Variants in FAF1 observed in about 807,000 individuals in gnomAD.
FAF1 encodes the protein FAS-associated factor 1.
Under a neutral mutation model 92.5 loss-of-function variants are expected in FAF1, and 25 were observed. The observed-to-expected ratio is 0.27, with a 90% CI of 0.20 to 0.38. The LOEUF (loss-of-function observed/expected upper bound fraction) is 0.38. FAF1 is among the 10% of genes least tolerant of loss of function. The probability of loss-of-function intolerance (pLI) is 1.00; values close to 1 mark genes in which losing one functional copy is unlikely to be tolerated. For missense variants in FAF1, 636 were observed against 793.3 expected (o/e 0.80, Z 2.38); for synonymous variants, 234 against 273.2 (o/e 0.86, Z 1.42).
chr1:50,568,892 C>A (rs1452843134), intron 12 of FAF1, among the ~76,000 whole-genome samples: 1 of 152,110 alleles, frequency 6.6e-6, no homozygotes, highest in Non-Finnish European at 1.5e-5. Flanking sequence ...GGAATAAGGG[C>A]AGGACTCCTG....
intron 1 of FAF1, among the ~76,000 whole-genome samples, chr1:50,859,086 G>C (rs1255364421): frequency 6.6e-6 from 1 of 151,648 alleles, no homozygotes; most frequent in East Asian, 1.9e-4. Flanking sequence ...CCTTTACAAG[G>C]AAAACCCTCA....
At chr1:50,874,283 C>G (rs1644551838) in intron 1 of FAF1, among the ~76,000 whole-genome samples, 1 of 152,112 alleles carries the variant, frequency 6.6e-6, no homozygotes, top group Non-Finnish European at 1.5e-5. Context: ...AAACTAATTT[C>G]TTAAACATAA....
chr1:50,682,508 C>T (rs1369225166), intron 7 of FAF1, among the ~76,000 whole-genome samples: 4 of 152,008 alleles, frequency 2.6e-5, no homozygotes, highest in Non-Finnish European at 4.4e-5. Flanking sequence ...ATATGCATGT[C>T]GTCTTATGTT....
At chr1:50,919,580 C>T (rs917212298) in intron 1 of FAF1, among the ~76,000 whole-genome samples, 3 of 151,744 alleles carry the variant, frequency 2.0e-5, no homozygotes, top group African/African-American at 4.8e-5. Flanking sequence ...CTCCGCCTCC[C>T]GGGTTCAAGC....
chr1:50,770,336 T>C (rs1383898628), intron 4 of FAF1, among the ~76,000 whole-genome samples: 1 of 152,202 alleles, frequency 6.6e-6, no homozygotes, highest in Non-Finnish European at 1.5e-5. Flanking sequence ...GCAGATGATA[T>C]GATAGTATAC....
intron 7 of FAF1, among the ~76,000 whole-genome samples, chr1:50,663,917 G>A (rs974001987): frequency 1.1e-4 from 16 of 151,336 alleles, no homozygotes; most frequent in Non-Finnish European, 2.2e-4. Flanking sequence ...AAATTAATGA[G>A]AGAAGATACT....
chr1:50,542,296 A>G (rs1266079224), intron 13 of FAF1, among the ~76,000 whole-genome samples: 2 of 152,220 alleles, frequency 1.3e-5, no homozygotes, highest in African/African-American at 2.4e-5. Context: ...CTACTTGTCA[A>G]TTCATTCCAT....
At chr1:50,661,070 C>T (rs1450588045) in intron 7 of FAF1, among the ~76,000 whole-genome samples, 4 of 151,866 alleles carry the variant, frequency 2.6e-5, no homozygotes, top group Non-Finnish European at 5.9e-5. Context: ...ATATAACAGA[C>T]ATCAAAAAGA....
chr1:50,666,895 C>T (rs1340970057), intron 7 of FAF1, among the ~76,000 whole-genome samples: 1 of 152,106 alleles, frequency 6.6e-6, no homozygotes, highest in Admixed American at 6.6e-5. Flanking sequence ...AAAACAACAA[C>T]AACAACAACA....
intron 6 of FAF1, among the ~76,000 whole-genome samples, chr1:50,718,804 C>T (rs1262696076): frequency 6.6e-6 from 1 of 152,018 alleles, no homozygotes; most frequent in East Asian, 1.9e-4. Context: ...TTTAGGAATA[C>T]TTTGTGATCT....
At chr1:50,874,051 A>C (rs1282847344) in intron 1 of FAF1, among the ~76,000 whole-genome samples, 1 of 152,166 alleles carries the variant, frequency 6.6e-6, no homozygotes, top group African/African-American at 2.4e-5. Flanking sequence ...TTTGGGGCTT[A>C]GTCTGGGAGG....
intron 7 of FAF1, among the ~76,000 whole-genome samples, chr1:50,670,021 T>G (rs1033620267): frequency 4.0e-5 from 6 of 150,548 alleles, no homozygotes; most frequent in Non-Finnish European, 7.4e-5. Flanking sequence ...CTTGGGAGGC[T>G]GAGGGAGGAG....
chr1:50,636,825 G>A (rs1340996658), intron 8 of FAF1, among the ~76,000 whole-genome samples: 1 of 152,028 alleles, frequency 6.6e-6, no homozygotes, highest in Non-Finnish European at 1.5e-5. Flanking sequence ...AATAGTTGTA[G>A]CTTTTGCATT....
intron 12 of FAF1, among the ~76,000 whole-genome samples, chr1:50,569,090 C>A (rs886227436): frequency 2.6e-5 from 4 of 152,092 alleles, no homozygotes; most frequent in Non-Finnish European, 5.9e-5. Flanking sequence ...CAGTATCAGC[C>A]TTCTAGGAAG....
chr1:50,604,763 G>A (rs2124114115), intron 8 of FAF1, among the ~76,000 whole-genome samples: 1 of 152,234 alleles, frequency 6.6e-6, no homozygotes, highest in East Asian at 1.9e-4. Flanking sequence ...TTGAGCTCCT[G>A]GGCTCCCCCT....
In FAF1 at chr1:50,782,481, A is replaced by G. The variant is rs528841021; in HGVS notation, c.367+5519T>C. Among the ~76,000 whole-genome samples the G allele has an allele frequency of 3.9e-5, 6 of 152,282 alleles. No individual in the cohort carries two copies. The South Asian group carries it at 1.0e-3, about 26-fold the overall frequency. On this transcript the variant is annotated intron_variant, in intron 4 of 18. Transcript: ENST00000396153. ...ACAGAAAAAGGATATAAAGAAAAAA[A>G]CATTTGTACAACTGTACAATGTGTG...
intron 1 of FAF1, among the ~76,000 whole-genome samples, chr1:50,923,228 G>A (rs1644979551): frequency 6.6e-6 from 1 of 152,096 alleles, no homozygotes. Context: ...TGACCGGCCT[G>A]GGCAATATAG....
intron 13 of FAF1, among the ~76,000 whole-genome samples, chr1:50,561,849 G>A (rs1234342745): frequency 2.5e-5 from 1 of 40,050 alleles, no homozygotes; most frequent in South Asian, 7.5e-4. Context: ...ACGGATGGAC[G>A]GAAGGAAGGA....
At chr1:50,639,933 C>CA (rs1197342810) in intron 8 of FAF1, among the ~76,000 whole-genome samples, 6,102 of 69,934 alleles carry the variant, frequency 0.087, 208 homozygotes, top group Non-Finnish European at 0.11. Context: ...GACTCGATCT[C>CA]AAAAAAAAAA....
Sources: allele counts gnomAD v4.1 joint callset (sites outside exome capture counted in the v4.1 genomes callset), GRCh38; gene constraint gnomAD v4.1.1; transcripts MANE v1.5; gene names NCBI Gene and HGNC (gene_info 2026-07-23, HGNC 2026-07-21).